The following SLC35F3 variants were observed in gnomAD, a reference collection of about 807,000 sequenced individuals.
The protein encoded by SLC35F3 is putative thiamine transporter SLC35F3.
Under a neutral mutation model 49.9 loss-of-function variants are expected in SLC35F3, and 25 were observed. That is an observed-to-expected ratio of 0.50 (90% CI 0.37 to 0.70). The LOEUF is 0.70. Among genes scored for constraint, SLC35F3 ranks in the 30% least tolerant of loss-of-function variants. SLC35F3 has a pLI of 0.00. For synonymous variants in SLC35F3, 275 were observed against 265.4 expected (o/e 1.04, Z -0.35); for missense variants, 525 against 639.8 (o/e 0.82, Z 1.94).
intron 2 of SLC35F3, among the ~76,000 whole-genome samples, chr1:234,108,473 ATATATATATAAAAGATATATATTATT>A (rs1558231538): frequency 1.2e-5 from 1 of 80,734 alleles, no homozygotes; most frequent in Non-Finnish European, 2.6e-5. Context: ...TATATAAAAG[ATATATATATAAAAGATATATATTATT>A]TATATATATA....
At chr1:234,013,851 CAA>C (rs58366458) in intron 2 of SLC35F3, among the ~76,000 whole-genome samples, 36 of 139,232 alleles carry the variant, frequency 2.6e-4, no homozygotes, top group East Asian at 6.3e-4. Context: ...ACTTTCCCAT[CAA>C]AAAAAAAAAA....
chr1:234,121,014 A>AC (rs1246405257), intron 2 of SLC35F3, among the ~76,000 whole-genome samples: 1 of 152,180 alleles, frequency 6.6e-6, no homozygotes, highest in Non-Finnish European at 1.5e-5. Context: ...AATCTTAGGA[A>AC]CAAACTTTTG....
At chr1:234,108,748 A>AT (rs1665347742) in intron 2 of SLC35F3, among the ~76,000 whole-genome samples, 3 of 111,462 alleles carry the variant, frequency 2.7e-5, no homozygotes, top group Non-Finnish European at 5.4e-5. Flanking sequence ...TTTTATATAT[A>AT]AAAGATATAT....
intron 2 of SLC35F3, among the ~76,000 whole-genome samples, chr1:234,101,436 C>T (rs1170026745): frequency 6.6e-6 from 1 of 152,198 alleles, no homozygotes; most frequent in African/African-American, 2.4e-5. Flanking sequence ...ATGTCATTGT[C>T]ATACCAATGT....
intron 2 of SLC35F3, among the ~76,000 whole-genome samples, chr1:234,200,471 G>A (rs761736214): frequency 1.6e-4 from 24 of 152,112 alleles, no homozygotes; most frequent in Non-Finnish European, 2.5e-4. Flanking sequence ...CTGTTGTGCT[G>A]AATGCCTTCC....
intron 2 of SLC35F3, among the ~76,000 whole-genome samples, chr1:233,951,722 G>T (rs1662611076): frequency 1.3e-5 from 2 of 151,494 alleles, no homozygotes; most frequent in South Asian, 2.1e-4. Flanking sequence ...TCTTCTTTTT[G>T]TGTGTGTGTG....
At chr1:234,213,105 G>C (rs1440785663) in intron 2 of SLC35F3, 1 of 152,282 alleles carries the variant, frequency 6.6e-6, no homozygotes, top group Admixed American at 6.5e-5. Flanking sequence ...CTGCCAGAGA[G>C]CTGGGGGTTG....
At chr1:234,209,602 T>C (rs891771899) in intron 2 of SLC35F3, among the ~76,000 whole-genome samples, 3 of 152,082 alleles carry the variant, frequency 2.0e-5, no homozygotes, top group African/African-American at 7.2e-5. Flanking sequence ...GTTTGGTTTT[T>C]TGAGGGGTAG....
At chr1:234,179,735 A>AAAG (rs1666529731) in intron 2 of SLC35F3, among the ~76,000 whole-genome samples, 1 of 140,292 alleles carries the variant, frequency 7.1e-6, no homozygotes, top group East Asian at 4.6e-4. Context: ...TTTACCAATT[A>AAAG]TGTTAAAAAT....
intron 2 of SLC35F3, among the ~76,000 whole-genome samples, chr1:233,989,045 A>G (rs900726076): frequency 1.3e-5 from 2 of 152,188 alleles, no homozygotes; most frequent in South Asian, 4.1e-4. Flanking sequence ...TTAATATTCT[A>G]ATTTTTCATG....
chr1:233,938,855 A>T (rs999664254), intron 2 of SLC35F3, among the ~76,000 whole-genome samples: 6 of 152,182 alleles, frequency 3.9e-5, no homozygotes, highest in Non-Finnish European at 5.9e-5. Context: ...GGAAAGGAAA[A>T]ACTTATCAGA....
intron 2 of SLC35F3, among the ~76,000 whole-genome samples, chr1:234,211,077 TCA>T (rs1460126603): frequency 6.6e-6 from 1 of 152,246 alleles, no homozygotes; most frequent in Non-Finnish European, 1.5e-5. Flanking sequence ...GGCTGTTGCT[TCA>T]GGAGGTGTAA....
At chr1:234,292,752 G>A (rs1668530337) in intron 3 of SLC35F3, among the ~76,000 whole-genome samples, 1 of 152,206 alleles carries the variant, frequency 6.6e-6, no homozygotes, top group South Asian at 2.1e-4. Flanking sequence ...TCCCTGCCAT[G>A]AACAGAGAGG....
At chr1:234,322,614 G>A (rs1370710540) in intron 7 of SLC35F3, among the ~76,000 whole-genome samples, 4 of 151,068 alleles carry the variant, frequency 2.6e-5, no homozygotes, top group Non-Finnish European at 2.9e-5. Context: ...AAGTGGATCC[G>A]TACAGTTCAA....
At chr1:234,078,767 G>A (rs77615512) in intron 2 of SLC35F3, among the ~76,000 whole-genome samples, 6,573 of 152,164 alleles carry the variant, frequency 0.043, 235 homozygotes, top group Middle Eastern at 0.082. Flanking sequence ...ATCAGATCTG[G>A]AACTTAAAAA....
At chr1:234,044,442 T>A (rs926503792) in intron 2 of SLC35F3, among the ~76,000 whole-genome samples, 1 of 152,194 alleles carries the variant, frequency 6.6e-6, no homozygotes, top group Non-Finnish European at 1.5e-5. Context: ...CTCTCAAGAT[T>A]TTGTAATAAA....
intron 3 of SLC35F3, among the ~76,000 whole-genome samples, chr1:234,296,945 G>A (rs996521359): frequency 1.3e-5 from 2 of 152,106 alleles, no homozygotes; most frequent in Non-Finnish European, 2.9e-5. Flanking sequence ...TGAAACATTT[G>A]CCTACAGTGG....
At chr1:234,292,612 T>C (rs10910409) in intron 3 of SLC35F3, among the ~76,000 whole-genome samples, 18,939 of 152,164 alleles carry the variant, frequency 0.12, 1,385 homozygotes, top group Non-Finnish European at 0.17. Context: ...CCCATGGGTG[T>C]ATGTCACCCC....
chr1:234,119,858 C>T (rs187200724), intron 2 of SLC35F3, among the ~76,000 whole-genome samples: 39 of 152,198 alleles, frequency 2.6e-4, no homozygotes, highest in African/African-American at 7.9e-4. Flanking sequence ...TTTTCTTTTT[C>T]GCACACACAC....
Sources: allele counts gnomAD v4.1 joint callset (sites outside exome capture counted in the v4.1 genomes callset), GRCh38; gene constraint gnomAD v4.1.1; transcripts MANE v1.5; gene names NCBI Gene and HGNC (gene_info 2026-07-23, HGNC 2026-07-21).